The following PDE1C variants were observed in gnomAD, a reference collection of about 807,000 sequenced individuals.
The protein encoded by PDE1C is dual specificity calcium/calmodulin-dependent 3',5'-cyclic nucleotide phosphodiesterase 1C.
A neutral mutation model predicts 93.1 loss-of-function variants in PDE1C; 62 were observed. The ratio of observed to expected loss-of-function variants is 0.67; its 90% CI spans 0.54 to 0.82. The LOEUF (loss-of-function observed/expected upper bound fraction) is 0.82. PDE1C is among the 40% of genes least tolerant of loss of function. The pLI is 0.00. For missense variants in PDE1C, 742 were observed against 884.6 expected (o/e 0.84, Z 2.04); for synonymous variants, 325 against 310.1 (o/e 1.05, Z -0.50).
chr7:31,959,146 A>C (rs1808550111), intron 2 of PDE1C, among the ~76,000 whole-genome samples: 1 of 152,312 alleles, frequency 6.6e-6, no homozygotes, highest in East Asian at 1.9e-4. Flanking sequence ...GTTTACAAAA[A>C]AATATAATTC....
chr7:31,689,637 G>A, the PDE1C span, among the ~76,000 whole-genome samples: 2 of 152,104 alleles, frequency 1.3e-5, no homozygotes, highest in Non-Finnish European at 2.9e-5. Flanking sequence ...GGATAGAAAT[G>A]GAGAGTGAGT....
Position 31,865,040 on chromosome 7 carries a change from C to T in PDE1C, c.652G>A (p.Val218Met). ...GGATTTTTGTGCTTGCTGTATCCCA[C>T]TTCCAGGGCCTCCACAAATGAGACA... ...ALVSFVEALE[V>M]GYSKHKNPYH... The change falls in exon 7 of 18, where the codon GTG becomes ATG. Residue 218 changes from valine (V) to methionine (M), a missense_variant. Physicochemically the swap from Val to Met is conservative, Grantham distance 21. This residue lies in a region of PDE1C where 205 missense variants were observed against 295.3 expected (regional missense o/e 0.69). Coordinates refer to ENST00000396191, the MANE Select transcript of PDE1C (RefSeq NM_001191057.4). 6.2e-7 allele frequency: 1 copy of T among 1,614,072 alleles called. No homozygotes were observed.
intron 1 of PDE1C, among the ~76,000 whole-genome samples, chr7:32,223,057 T>C (rs1562594529): frequency 6.6e-6 from 1 of 152,176 alleles, no homozygotes; most frequent in African/African-American, 2.4e-5. Context: ...GCAAGGCCCC[T>C]CACTTAGAGG....
intron 2 of PDE1C, among the ~76,000 whole-genome samples, chr7:31,998,314 C>T (rs953287923): frequency 6.6e-6 from 1 of 152,196 alleles, no homozygotes; most frequent in African/African-American, 2.4e-5. Flanking sequence ...CCACCACACC[C>T]AGCCAGAAAC....
chr7:31,793,157 A>G (rs994852785), intron 16 of PDE1C, among the ~76,000 whole-genome samples: 1 of 152,052 alleles, frequency 6.6e-6, no homozygotes, highest in African/African-American at 2.4e-5. Flanking sequence ...TCCCAAAGGT[A>G]AGTGCAGATG....
chr7:31,828,433 A>T (rs1205471117), intron 11 of PDE1C, 60 bp from the exon 12 acceptor site: 3 of 1,324,510 alleles, frequency 2.3e-6, no homozygotes, highest in Non-Finnish European at 3.2e-6. Context: ...CCCAGATTTC[A>T]TTTAGCAACT....
chr7:32,071,371 T>C, upstream of PDE1C: 1 of 985,468 alleles, frequency 1.0e-6, no homozygotes, highest in Non-Finnish European at 1.2e-6. Flanking sequence ...TTTGAAATAT[T>C]GAAGCGACTG....
intron 1 of PDE1C, among the ~76,000 whole-genome samples, chr7:32,420,829 T>C (rs1212716155): frequency 6.6e-6 from 1 of 152,176 alleles, no homozygotes; most frequent in Non-Finnish European, 1.5e-5. Flanking sequence ...TAAGATTTGC[T>C]CATTAGCTTC....
chr7:31,616,994 T>C, the PDE1C span, among the ~76,000 whole-genome samples: 2 of 152,194 alleles, frequency 1.3e-5, no homozygotes, highest in Non-Finnish European at 2.9e-5. Context: ...CTGTTGCTTA[T>C]ATTCCAAGTG....
Position 32,016,982 on chromosome 7 carries a change from T to C in PDE1C, c.128+34572A>G, listed in dbSNP as rs149839153. ...AAGCCTGCGTCCAACATTTACTACC[T>C]GTATGACCTTTGCCAAGTTAATCTT... On this transcript the variant is annotated intron_variant, in intron 2 of 17. Transcript: ENST00000396191. Among the ~76,000 whole-genome samples the C allele has an allele frequency of 2.0e-3, 304 of 152,306 alleles. 2 individuals carry two copies. Among genetic ancestry groups the C allele is most frequent in the African/African-American group, 7.1e-3 (296 of 41,576 alleles).
intron 7 of PDE1C, among the ~76,000 whole-genome samples, chr7:31,858,125 C>T (rs918381676): frequency 6.6e-6 from 1 of 151,902 alleles, no homozygotes; most frequent in African/African-American, 2.4e-5. Context: ...AAGAGAAGTG[C>T]CAGAAGCAGA....
intron 1 of PDE1C, among the ~76,000 whole-genome samples, chr7:32,307,549 C>G (rs1055055525): frequency 3.1e-4 from 47 of 152,198 alleles, no homozygotes; most frequent in African/African-American, 1.1e-3. Flanking sequence ...AAACCCTATC[C>G]TCTCCACTGT....
chr7:31,849,120 C>T (rs1583593373), intron 8 of PDE1C, among the ~76,000 whole-genome samples: 2 of 152,098 alleles, frequency 1.3e-5, no homozygotes, highest in Non-Finnish European at 2.9e-5. Context: ...ATTCAAATCC[C>T]GAGGTGAAAG....
At chr7:32,420,943 C>T (rs549022053) in intron 1 of PDE1C, among the ~76,000 whole-genome samples, 1 of 152,206 alleles carries the variant, frequency 6.6e-6, no homozygotes, top group Non-Finnish European at 1.5e-5. Flanking sequence ...TTTCAAAGCC[C>T]TGAATATCCA....
At chr7:32,174,781 C>A (rs1166918180) in intron 2 of PDE1C, among the ~76,000 whole-genome samples, 1 of 152,100 alleles carries the variant, frequency 6.6e-6, no homozygotes, top group African/African-American at 2.4e-5. Context: ...AGAAAGGAGA[C>A]TGGTGTGCTG....
At chr7:31,808,402 T>G in intron 16 of PDE1C, 1 of 231,868 alleles carries the variant, frequency 4.3e-6, no homozygotes, top group Non-Finnish European at 8.9e-6. Flanking sequence ...TGTTTCAATC[T>G]TATAGTTCAA....
Position 32,158,516 on chromosome 7 carries a change from A to C in PDE1C, c.308+11269T>G, listed in dbSNP as rs946117613. On this transcript the variant is annotated intron_variant, in intron 3 of 18. Coordinates refer to the PDE1C transcript ENST00000396193. ...ATTAGCTACTACAGCATTTAGAAGG[A>C]TGTAATTTAAAAAATGGTCTTTGTT... Among the ~76,000 whole-genome samples, 4 of 152,304 alleles carry C rather than the reference A, an allele frequency of 2.6e-5. No individual in the cohort carries two copies. In the East Asian group the frequency reaches 5.8e-4, roughly 22 times the overall value.
chr7:32,301,878 T>C (rs552494928), upstream of PDE1C, among the ~76,000 whole-genome samples: 25 of 152,354 alleles, frequency 1.6e-4, no homozygotes, highest in African/African-American at 6.0e-4. Flanking sequence ...TCACCTGTTT[T>C]TGTGGCGTCT....
At chr7:31,658,063 C>A in the PDE1C span, among the ~76,000 whole-genome samples, 61 of 152,272 alleles carry the variant, frequency 4.0e-4, 1 homozygote, top group South Asian at 1.0e-2. Context: ...CAAGTCACAT[C>A]TTTTCCTTGA....
Sources: gnomAD v4.1 joint callset for allele counts (sites outside exome capture counted in the v4.1 genomes callset) on GRCh38, gnomAD v4.1.1 for gene constraint, gnomAD v4.1.1 regional missense constraint, MANE v1.5 for transcripts, NCBI Gene and HGNC (gene_info 2026-07-23, HGNC 2026-07-21) for gene names.